Variants in DST observed in about 807,000 individuals in gnomAD.
The protein encoded by DST is dystonin.
DST carries 253 observed loss-of-function variants against 875.2 expected under a neutral mutation model. That is an observed-to-expected ratio of 0.29 (90% CI 0.26 to 0.32). DST has a LOEUF of 0.32. Ranked by LOEUF, DST falls within the 10% of genes least tolerant of loss-of-function variation. DST has a pLI of 1.00. For synonymous variants in DST, 3,124 were observed against 3,197.1 expected, an observed-to-expected ratio of 0.98 and a Z score of 0.77; for missense variants, 8,287 against 9,111.6, an observed-to-expected ratio of 0.91 and a Z score of 3.68.
At chr6:56,779,372 G>C (rs1165362487) in intron 4 of DST, among the ~76,000 whole-genome samples, 1 of 152,044 alleles carries the variant, frequency 6.6e-6, no homozygotes, top group Non-Finnish European at 1.5e-5. Flanking sequence ...TTGCTGTGCA[G>C]AAGCTCTTTA....
intron 5 of DST, among the ~76,000 whole-genome samples, chr6:56,724,460 G>T (rs1380824995): frequency 6.6e-6 from 1 of 152,240 alleles, no homozygotes; most frequent in African/African-American, 2.4e-5. Flanking sequence ...AATAACACGG[G>T]AAGGCTGCTA....
intron 72 of DST, 58 bp from the exon 73 acceptor site, chr6:56,511,458 G>C: frequency 7.0e-7 from 1 of 1,424,256 alleles, no homozygotes; most frequent in Non-Finnish European, 9.6e-7. Context: ...TATTACAGCT[G>C]TCTACACCTG....
intron 4 of DST, among the ~76,000 whole-genome samples, chr6:56,783,061 T>C (rs1201225201): frequency 7.2e-5 from 11 of 152,240 alleles, no homozygotes; most frequent in Admixed American, 3.3e-4. Flanking sequence ...TCCTGAGTTC[T>C]AGTTTGATTG....
chr6:56,511,808 T>C (rs970609128), intron 72 of DST, among the ~76,000 whole-genome samples: 3 of 151,224 alleles, frequency 2.0e-5, no homozygotes, highest in Non-Finnish European at 2.9e-5. Flanking sequence ...ACTCATGATA[T>C]ATACAAAAAT....
At position 56,639,920 on chromosome 6, in the gene DST, T is replaced by C; in HGVS notation, c.2619+9A>G. 6.2e-7 allele frequency: 1 copy of C among 1,610,892 alleles called. No homozygotes were observed. Among genetic ancestry groups the C allele is most frequent in the Non-Finnish European group, 8.5e-7 (1 of 1,178,358 alleles). ...AAATGAAATATATACAAATTTTAAA[T>C]TCACATACCTCACTGATTTTAGCTT... On this transcript the variant is annotated intron_variant, in intron 19 of 103. Transcript: ENST00000680361.
chr6:56,745,244 G>A (rs1370073552), intron 4 of DST, among the ~76,000 whole-genome samples: 3 of 152,176 alleles, frequency 2.0e-5, no homozygotes, highest in Non-Finnish European at 2.9e-5. Flanking sequence ...AGTCACTACT[G>A]CAAAGTCCCA....
rs1317293154 is a variant in DST, at chr6:56,577,280, AAGAT to A, written c.13027+1530_13027+1533del. Among the ~76,000 whole-genome samples, 8 of 152,330 alleles carry A rather than the reference AAGAT, an allele frequency of 5.3e-5. No individual in the cohort carries two copies. The East Asian group carries it at 1.5e-3, about 29-fold the overall frequency. ...CTCTTCGAGTAACATAAATACAAAT[AAGAT>A]AGTCTTTCTTTCTCCTTCATATCCT... On this transcript the variant is annotated intron_variant, in intron 50 of 103. Coordinates refer to ENST00000680361, the MANE Select transcript of DST (RefSeq NM_001374736.1).
chr6:56,487,373 T>C, intron 86 of DST, 100 bp from the exon 87 acceptor site: 2 of 1,077,662 alleles, frequency 1.9e-6, no homozygotes, highest in South Asian at 2.2e-5. Context: ...AGATGAATTA[T>C]AGATGCTTTC....
intron 2 of DST, among the ~76,000 whole-genome samples, chr6:56,920,673 T>C (rs1803625155): frequency 6.6e-6 from 1 of 151,958 alleles, no homozygotes; most frequent in East Asian, 1.9e-4. Context: ...ATTACTAACT[T>C]TCAGTAATAG....
At chr6:56,512,948 T>A (rs771556195) in intron 72 of DST, among the ~76,000 whole-genome samples, 21 of 152,214 alleles carry the variant, frequency 1.4e-4, no homozygotes, top group Non-Finnish European at 2.8e-4. Context: ...TTATTTGGCA[T>A]AATTAGGTAT....
chr6:56,825,502 TA>T (rs749148452), intron 4 of DST, among the ~76,000 whole-genome samples: 15,889 of 109,190 alleles, frequency 0.15, 1,208 homozygotes, highest in Non-Finnish European at 0.19. Context: ...CAATAAATAC[TA>T]AAAAAAAAAA....
chr6:56,636,805 G>C (rs994689987), intron 22 of DST, among the ~76,000 whole-genome samples, 153 bp from the exon 23 acceptor site: 16 of 152,214 alleles, frequency 1.1e-4, no homozygotes, highest in African/African-American at 3.6e-4. Flanking sequence ...GCAGTGGCTG[G>C]GCATGGTGGC....
chr6:56,871,043 AAAG>A, intron 3 of DST: 1 of 416,942 alleles, frequency 2.4e-6, no homozygotes, highest in Non-Finnish European at 4.4e-6. Context: ...ACAAACAACC[AAAG>A]AAGAAAAATA....
At chr6:56,622,694 T>C (rs2098701953) in intron 36 of DST, among the ~76,000 whole-genome samples, 1 of 152,128 alleles carries the variant, frequency 6.6e-6, no homozygotes, top group Admixed American at 6.5e-5. Context: ...CTCAAACTTA[T>C]TTGCATAAAA....
At chr6:56,909,887 G>C (rs1248324615) in intron 2 of DST, among the ~76,000 whole-genome samples, 1 of 152,142 alleles carries the variant, frequency 6.6e-6, no homozygotes, top group Non-Finnish European at 1.5e-5. Flanking sequence ...CTCAGGATTA[G>C]AGCAATTTAA....
chr6:56,948,176 G>C (rs974600878), intron 2 of DST, among the ~76,000 whole-genome samples: 1 of 152,168 alleles, frequency 6.6e-6, no homozygotes, highest in African/African-American at 2.4e-5. Flanking sequence ...TTCACAGATA[G>C]AAGATTCATT....
chr6:56,508,585 G>A lies in DST; in HGVS notation c.19183C>T (p.Leu6395=). 3 of 1,613,848 alleles carry A rather than the reference G, an allele frequency of 1.9e-6. No homozygotes were observed. The highest frequency in any genetic ancestry group is 1.7e-6 in the Non-Finnish European group (2 of 1,179,820). The part of the protein sequence containing the change: ...IKDTQDFIRD[L]EDPGIDPSVV... ...GAAGGATCAATTCCAGGATCTTCCA[G>A]GTCCCGGATGAAATCTTGAGTATCT... is the stretch of plus-strand genomic sequence containing the variant. Residue 6395 remains leucine, a synonymous_variant, in exon 75 of 104, where the codon CTG becomes TTG. Coordinates refer to ENST00000680361, the MANE Select transcript of DST (RefSeq NM_001374736.1).
At chr6:56,898,866 A>C (rs1356807823) in intron 3 of DST, among the ~76,000 whole-genome samples, 35 of 152,236 alleles carry the variant, frequency 2.3e-4, no homozygotes, top group Admixed American at 2.2e-3. Flanking sequence ...TAACTCTAGA[A>C]CAGTACTTTC....
intron 13 of DST, 66 bp from the exon 14 acceptor site, chr6:56,646,248 G>C: frequency 1.1e-6 from 1 of 888,582 alleles, no homozygotes; most frequent in Admixed American, 2.8e-5. Flanking sequence ...ATCTCACTAA[G>C]CCACCACTTC....
Sources: gnomAD v4.1 joint callset for allele counts (sites outside exome capture counted in the v4.1 genomes callset) on GRCh38, gnomAD v4.1.1 for gene constraint, MANE v1.5 for transcripts, NCBI Gene and HGNC (gene_info 2026-07-23, HGNC 2026-07-21) for gene names.